The following DDR2 variants were observed in gnomAD, a reference collection of about 807,000 sequenced individuals.
The protein encoded by DDR2 is discoidin domain-containing receptor 2.
Under a neutral mutation model 94.9 loss-of-function variants are expected in DDR2, and 27 were observed. The ratio of observed to expected loss-of-function variants is 0.28; its 90% CI spans 0.21 to 0.39. DDR2 has a LOEUF of 0.39. DDR2 is among the 10% of genes least tolerant of loss of function. The pLI, the probability that DDR2 is intolerant of heterozygous loss-of-function variation, is 1.00. For missense variants in DDR2, 783 were observed against 1,076.0 expected, an observed-to-expected ratio of 0.73 and a Z score of 3.81; for synonymous variants, 382 against 377.2, an observed-to-expected ratio of 1.01 and a Z score of -0.15.
intron 2 of DDR2, among the ~76,000 whole-genome samples, chr1:162,688,594 T>C (rs907119272): frequency 1.3e-5 from 2 of 152,250 alleles, no homozygotes; most frequent in Non-Finnish European, 2.9e-5. Context: ...TAAGCTCTGC[T>C]AGTTGAAGAA....
At chr1:162,696,621 G>A (rs1294103010) in intron 2 of DDR2, among the ~76,000 whole-genome samples, 1 of 151,940 alleles carries the variant, frequency 6.6e-6, no homozygotes, top group Non-Finnish European at 1.5e-5. Context: ...TAGTGGAGGC[G>A]ATTGCTGGAC....
intron 2 of DDR2, among the ~76,000 whole-genome samples, chr1:162,665,733 T>A (rs1571167047): frequency 6.6e-6 from 1 of 152,260 alleles, no homozygotes. Flanking sequence ...CTAAATCCTT[T>A]GTTTATGGTC....
intron 3 of DDR2, among the ~76,000 whole-genome samples, chr1:162,750,590 A>G (rs563494446): frequency 9.2e-5 from 14 of 152,276 alleles, no homozygotes; most frequent in Admixed American, 1.3e-4. Flanking sequence ...TATAGATTCA[A>G]TGCCATCCCC....
At chr1:162,660,363 C>G (rs886143270) in intron 2 of DDR2, among the ~76,000 whole-genome samples, 1 of 134,738 alleles carries the variant, frequency 7.4e-6, no homozygotes, top group Non-Finnish European at 1.6e-5. Context: ...TGGGACCCCC[C>G]GTACTTATGT....
chr1:162,679,293 G>A (rs1159458005), intron 2 of DDR2, among the ~76,000 whole-genome samples: 10 of 151,928 alleles, frequency 6.6e-5, no homozygotes, highest in Non-Finnish European at 1.3e-4. Context: ...GAGAACATGC[G>A]ATATTTGGTT....
intron 6 of DDR2, 121 bp from the exon 7 acceptor site, chr1:162,755,543 C>G: frequency 3.7e-6 from 4 of 1,089,940 alleles, no homozygotes; most frequent in Middle Eastern, 2.7e-4. Context: ...AGTCTTCCCT[C>G]GGTGTCCAGA....
At chr1:162,726,829 C>A (rs77547225) in intron 3 of DDR2, among the ~76,000 whole-genome samples, 1 of 151,970 alleles carries the variant, frequency 6.6e-6, no homozygotes, top group Non-Finnish European at 1.5e-5. Context: ...GGAAACTGGG[C>A]GCACTGGGGC....
intron 12 of DDR2, 46 bp downstream of exon 12, chr1:162,770,558 A>C (rs374428000): frequency 4.4e-6 from 7 of 1,580,354 alleles, no homozygotes; most frequent in Non-Finnish European, 5.2e-6. Context: ...AAACCTCAGC[A>C]AGCATCAGGT....
chr1:162,688,850 C>T (rs12036048), intron 2 of DDR2, among the ~76,000 whole-genome samples: 97,700 of 152,074 alleles, frequency 0.64, 33,296 homozygotes, highest in Middle Eastern at 0.8. Context: ...TCCCTTGGCA[C>T]CTGCCAGTCA....
At chr1:162,695,988 T>G (rs1486197231) in intron 2 of DDR2, among the ~76,000 whole-genome samples, 1 of 152,126 alleles carries the variant, frequency 6.6e-6, no homozygotes, top group Non-Finnish European at 1.5e-5. Context: ...TACTAACGAC[T>G]AGGTCCTACT....
At chr1:162,639,743 G>T in intron 1 of DDR2, among the ~76,000 whole-genome samples, 1 of 152,184 alleles carries the variant, frequency 6.6e-6, no homozygotes, top group East Asian at 1.9e-4. Flanking sequence ...GACTTAAAAC[G>T]GTTCAACTTA....
At chr1:162,719,521 T>G (rs1661321779) in intron 3 of DDR2, among the ~76,000 whole-genome samples, 1 of 152,128 alleles carries the variant, frequency 6.6e-6, no homozygotes, top group Non-Finnish European at 1.5e-5. Context: ...TTGGGCTGTC[T>G]TAGACTTTGA....
intron 2 of DDR2, among the ~76,000 whole-genome samples, chr1:162,681,382 A>C (rs954161735): frequency 6.6e-6 from 1 of 152,072 alleles, no homozygotes; most frequent in African/African-American, 2.4e-5. Flanking sequence ...TGACAGTGGT[A>C]ATTTACCAGG....
intron 2 of DDR2, among the ~76,000 whole-genome samples, chr1:162,698,359 G>A (rs1660283697): frequency 1.3e-5 from 2 of 152,186 alleles, no homozygotes; most frequent in South Asian, 4.1e-4. Flanking sequence ...AAGCGCGAGG[G>A]AGGCATGGTC....
upstream of DDR2, chr1:162,631,292 A>T (rs1474582360): frequency 6.6e-6 from 1 of 151,180 alleles, no homozygotes; most frequent in Non-Finnish European, 1.5e-5. Context: ...TTCCTCCATG[A>T]TCTCTTTCCA....
chr1:162,694,978 C>T (rs748420394), intron 2 of DDR2, among the ~76,000 whole-genome samples: 10 of 152,112 alleles, frequency 6.6e-5, no homozygotes, highest in East Asian at 1.9e-4. Flanking sequence ...TGAATGTATC[C>T]GTGAAAAATA....
rs180854216 is a variant in DDR2, at chr1:162,719,026, G to C, written c.-27-11G>C. ...CTCTTTCTGTTTTCTTGCATTATTGGTTGGTGGCAGACTCCAGTTCCAACA... is the reference window on the plus strand; with the variant it reads ...CTCTTTCTGTTTTCTTGCATTATTGCTTGGTGGCAGACTCCAGTTCCAACA... On this transcript the variant is annotated splice_polypyrimidine_tract_variant and intron_variant, in intron 2 of 17. Transcript: ENST00000367921. 3.8e-4 allele frequency: 615 copies of C among 1,613,076 alleles called. 5 individuals carry two copies. In the African/African-American group the frequency reaches 7.0e-3, roughly 18 times the overall value.
At chr1:162,752,634 G>A (rs1488945268) in intron 3 of DDR2, among the ~76,000 whole-genome samples, 1 of 152,148 alleles carries the variant, frequency 6.6e-6, no homozygotes, top group East Asian at 1.9e-4. Flanking sequence ...TCATAGGTGA[G>A]TGTGTAGTTT....
rs781558628 is a variant in DDR2, at chr1:162,780,168, C to T, written c.2490C>T (p.Ser830=). The T allele has an allele frequency of 2.5e-6, 4 of 1,613,912 alleles. No homozygotes were observed. Among genetic ancestry groups the T allele is most frequent in the Non-Finnish European group, 3.4e-6 (4 of 1,179,958 alleles). ...ACTCTGTGTATAAGCTGATGCTCAG[C>T]TGCTGGAGAAGAGATACGAAGAACC... The part of the protein sequence containing the change: ...CPDSVYKLML[S]CWRRDTKNRP... The change falls in exon 18 of 18, where the codon AGC becomes AGT. Residue 830 remains serine, a synonymous_variant. Coordinates refer to ENST00000367921, the MANE Select transcript of DDR2 (RefSeq NM_006182.4).
Sources: gnomAD v4.1 joint callset for allele counts (sites outside exome capture counted in the v4.1 genomes callset) on GRCh38, gnomAD v4.1.1 for gene constraint, MANE v1.5 for transcripts, NCBI Gene and HGNC (gene_info 2026-07-23, HGNC 2026-07-21) for gene names.